Variants in TNS3 observed in about 807,000 individuals in gnomAD.
TNS3 encodes the protein tensin 3, also known as tensin-3.
TNS3 carries 45 observed loss-of-function variants against 140.9 expected under a neutral mutation model. The observed-to-expected ratio is 0.32, with a 90% CI of 0.25 to 0.41. The LOEUF is 0.41. Ranked by LOEUF, TNS3 falls within the 10% of genes least tolerant of loss-of-function variation. The pLI is 1.00. For synonymous variants in TNS3, 815 were observed against 788.4 expected, an observed-to-expected ratio of 1.03 and a Z score of -0.56; for missense variants, 1,716 against 1,906.7, an observed-to-expected ratio of 0.90 and a Z score of 1.86.
intron 3 of TNS3, among the ~76,000 whole-genome samples, chr7:47,504,210 G>A (rs192111953): frequency 7.2e-5 from 11 of 152,306 alleles, no homozygotes; most frequent in African/African-American, 2.2e-4. Context: ...GTCTTTTGGC[G>A]CTTCTCAAAA....
chr7:47,538,814 CT>C (rs1799697239), intron 1 of TNS3, among the ~76,000 whole-genome samples: 1 of 152,154 alleles, frequency 6.6e-6, no homozygotes, highest in South Asian at 2.1e-4. Flanking sequence ...CATTATTCAC[CT>C]TTTTCTATAT....
intron 20 of TNS3, among the ~76,000 whole-genome samples, chr7:47,309,094 G>C (rs532382676): frequency 4.0e-4 from 61 of 152,316 alleles, no homozygotes; most frequent in African/African-American, 1.4e-3. Flanking sequence ...TGGGACAACT[G>C]TACTGTCACC....
rs1405072050 is a variant in TNS3, at chr7:47,501,200, G to T, written c.-115+5707C>A. Among the ~76,000 whole-genome samples, 261 of 140,546 alleles carry T rather than the reference G, an allele frequency of 1.9e-3. 1 individual carries two copies. The highest frequency in any genetic ancestry group is 6.5e-3 in the African/African-American group (251 of 38,526). 92.2% of individuals were successfully genotyped at this position (140,546 alleles called of 152,430 possible). A position where few individuals can be genotyped will look rare whatever the true frequency, so the allele number is the denominator to read the frequency against. On this transcript the variant is annotated intron_variant, in intron 3 of 30. Coordinates refer to ENST00000311160, the MANE Select transcript of TNS3 (RefSeq NM_022748.12). ...AGGAAGGAAGGAAGGGAGGGAGGGA[G>T]GGAGGGAGGGAGGGAGGGAGAAAGG...
At chr7:47,330,444 C>T (rs146198902) in intron 20 of TNS3, among the ~76,000 whole-genome samples, 1 of 152,318 alleles carries the variant, frequency 6.6e-6, no homozygotes, top group Non-Finnish European at 1.5e-5. Context: ...TATCCAGATC[C>T]TTCTCTGTGT....
intron 4 of TNS3, among the ~76,000 whole-genome samples, chr7:47,477,016 G>A (rs868706595): frequency 7.2e-5 from 11 of 152,172 alleles, no homozygotes; most frequent in East Asian, 3.9e-4. Flanking sequence ...CCACAATCAC[G>A]GAAAAGGTTC....
chr7:47,546,489 G>A (rs951535937), intron 1 of TNS3, among the ~76,000 whole-genome samples: 2 of 152,150 alleles, frequency 1.3e-5, no homozygotes, highest in African/African-American at 2.4e-5. Flanking sequence ...GGCCCAGGAC[G>A]GTGAGGTGCT....
chr7:47,420,686 G>A (rs528875324), intron 10 of TNS3, among the ~76,000 whole-genome samples: 5 of 152,286 alleles, frequency 3.3e-5, no homozygotes, highest in South Asian at 4.1e-4. Context: ...TCATGTGCCC[G>A]CTTGGGTCTC....
At chr7:47,486,049 T>C (rs1797602503) in intron 3 of TNS3, among the ~76,000 whole-genome samples, 1 of 151,452 alleles carries the variant, frequency 6.6e-6, no homozygotes, top group Non-Finnish European at 1.5e-5. Context: ...GGTGTGTGAG[T>C]GTGGGTGTGT....
At chr7:47,566,967 G>A (rs536026793) in intron 1 of TNS3, among the ~76,000 whole-genome samples, 34 of 143,992 alleles carry the variant, frequency 2.4e-4, no homozygotes, top group African/African-American at 8.5e-4. Flanking sequence ...AGGGAGGGAG[G>A]TTGCAGTGAG....
intron 1 of TNS3, chr7:47,557,088 G>A (rs998601453): frequency 2.2e-6 from 1 of 456,850 alleles, no homozygotes. Context: ...AGTTGGTGAT[G>A]CATCCGAATC....
At chr7:47,288,751 T>C (rs1237542132) in intron 27 of TNS3, among the ~76,000 whole-genome samples, 2 of 152,224 alleles carry the variant, frequency 1.3e-5, no homozygotes, top group Non-Finnish European at 2.9e-5. Flanking sequence ...GGAAAGGCCA[T>C]TCCTCTTGGG....
intron 3 of TNS3, 76 bp downstream of exon 3, chr7:47,506,831 G>C: frequency 8.8e-7 from 1 of 1,130,270 alleles, no homozygotes; most frequent in Non-Finnish European, 1.2e-6. Context: ...GTCCAAAGAG[G>C]CCCCCCCACA....
chr7:47,490,366 C>G (rs965323093), intron 3 of TNS3, among the ~76,000 whole-genome samples: 14 of 152,220 alleles, frequency 9.2e-5, no homozygotes, highest in Admixed American at 6.5e-4. Context: ...ACAATAACAT[C>G]CCTGCATGCT....
At chr7:47,493,546 C>T (rs565389533) in intron 3 of TNS3, among the ~76,000 whole-genome samples, 4 of 151,848 alleles carry the variant, frequency 2.6e-5, no homozygotes, top group East Asian at 2.0e-4. Context: ...AGGCCGGGCG[C>T]GGTGGCTCAC....
chr7:47,284,409 C>T (rs1249901582), intron 27 of TNS3, among the ~76,000 whole-genome samples: 1 of 152,190 alleles, frequency 6.6e-6, no homozygotes, highest in Non-Finnish European at 1.5e-5. Flanking sequence ...AGTGGCCCGG[C>T]CTCACCTGTG....
At chr7:47,378,916 C>T (rs1436813887) in intron 16 of TNS3, among the ~76,000 whole-genome samples, 1 of 152,194 alleles carries the variant, frequency 6.6e-6, no homozygotes, top group Admixed American at 6.5e-5. Context: ...TTCCAGCAGA[C>T]CATTCAGTTG....
intron 15 of TNS3, among the ~76,000 whole-genome samples, chr7:47,397,631 A>C (rs1189667981): frequency 6.6e-6 from 1 of 152,236 alleles, no homozygotes; most frequent in Non-Finnish European, 1.5e-5. Context: ...AATTCCTTGA[A>C]ATGAATGATA....
rs1790538808 is a variant in TNS3, at chr7:47,363,893, T to C, written c.2281+4472A>G. Among the ~76,000 whole-genome samples the C allele has an allele frequency of 2.0e-5, 3 of 152,302 alleles. 1 individual carries two copies. The highest frequency in any genetic ancestry group is 4.2e-4 in the South Asian group (2 of 4,816). On this transcript the variant is annotated intron_variant, in intron 17 of 30. Transcript: ENST00000311160. Reference sequence around the variant, plus strand: ...TGCCAGAATCCTTCCTATTCACACATGGATCTAAGCTGAAAGAGGAGGGCT... The same window carrying C: ...TGCCAGAATCCTTCCTATTCACACACGGATCTAAGCTGAAAGAGGAGGGCT...
chr7:47,338,653 T>A (rs183604563), intron 20 of TNS3, among the ~76,000 whole-genome samples: 1 of 152,338 alleles, frequency 6.6e-6, no homozygotes, highest in African/African-American at 2.4e-5. Context: ...ATCCATGTTG[T>A]TGCAAAGGAC....
Sources: allele counts gnomAD v4.1 joint callset (sites outside exome capture counted in the v4.1 genomes callset), GRCh38; gene constraint gnomAD v4.1.1; transcripts MANE v1.5; gene names NCBI Gene and HGNC (gene_info 2026-07-23, HGNC 2026-07-21).